SPNS3: variants seen among roughly 807,000 people sequenced by gnomAD.
SPNS3 encodes protein spinster homolog 3.
SPNS3 carries 51 observed loss-of-function variants against 54.4 expected under a neutral mutation model. The observed-to-expected ratio is 0.94, with a 90% CI of 0.75 to 1.18. SPNS3 has a LOEUF of 1.18. Among genes scored for constraint, SPNS3 ranks in the 50% most tolerant of loss-of-function variants. The pLI, the probability that SPNS3 is intolerant of heterozygous loss-of-function variation, is 0.00. For synonymous variants in SPNS3, 309 were observed against 294.7 expected, an observed-to-expected ratio of 1.05 and a Z score of -0.50; for missense variants, 669 against 677.4, an observed-to-expected ratio of 0.99 and a Z score of 0.14.
chr17:4,446,990 T>C (rs771372598), intron 5 of SPNS3, 28 bp downstream of exon 5: 2 of 1,612,948 alleles, frequency 1.2e-6, no homozygotes, highest in Non-Finnish European at 8.5e-7. Flanking sequence ...TTCTTCCCTC[T>C]GCTTTCCCTC....
intron 9 of SPNS3, chr17:4,482,308 T>C (rs1439288460): frequency 6.6e-6 from 1 of 152,110 alleles, no homozygotes; most frequent in African/African-American, 2.4e-5. Flanking sequence ...GAGAGTCAGA[T>C]TTGAGGGAGC....
chr17:4,455,712 G>A (rs1044297726), intron 8 of SPNS3, among the ~76,000 whole-genome samples: 20 of 152,136 alleles, frequency 1.3e-4, no homozygotes, highest in Non-Finnish European at 2.5e-4. Context: ...TACTCCATCT[G>A]GCATCCCCAC....
intron 8 of SPNS3, among the ~76,000 whole-genome samples, chr17:4,461,661 A>G (rs1171841198): frequency 6.6e-6 from 1 of 152,156 alleles, no homozygotes; most frequent in Non-Finnish European, 1.5e-5. Context: ...CAGTTGGATT[A>G]CATATGTATT....
intron 8 of SPNS3, among the ~76,000 whole-genome samples, chr17:4,462,803 ACCAATCT>A (rs1971567309): frequency 1.7e-5 from 2 of 118,560 alleles, no homozygotes; most frequent in Non-Finnish European, 3.3e-5. Context: ...CCATCCATCC[ACCAATCT>A]ATCCATCCAT....
intron 9 of SPNS3, among the ~76,000 whole-genome samples, chr17:4,480,653 G>A (rs1418297160): frequency 6.6e-6 from 1 of 152,034 alleles, no homozygotes. Flanking sequence ...AGAGGAGAGT[G>A]TGTGCTGGAG....
At chr17:4,476,442 G>A (rs1972002234) in intron 8 of SPNS3, among the ~76,000 whole-genome samples, 1 of 152,144 alleles carries the variant, frequency 6.6e-6, no homozygotes, top group Non-Finnish European at 1.5e-5. Context: ...AGAGCAAAAC[G>A]GGGAGCTGGT....
chr17:4,446,116 G>A lies in SPNS3; in HGVS notation c.471G>A (p.Ala157=), dbSNP rs775553403. 1.3e-5 allele frequency: 21 copies of A among 1,613,092 alleles called. No individual in the cohort carries two copies. The East Asian group carries it at 1.8e-4, about 14-fold the overall frequency. Residue 157 remains alanine (A), a synonymous_variant, in exon 4 of 12, where the codon GCG becomes GCA. Coordinates refer to ENST00000355530, the MANE Select transcript of SPNS3 (RefSeq NM_182538.5). The stretch of plus-strand genomic sequence containing the variant: ...GCTCGGCCAGCTACTCCACCATCGC[G>A]CCCACCGTCCTGGGCGACCTCTTCG... ...GTGSASYSTI[A]PTVLGDLFVR...
At chr17:4,445,213 A>G (rs1199247762) in intron 3 of SPNS3, 45 bp downstream of exon 3, 2 of 1,556,028 alleles carry the variant, frequency 1.3e-6, no homozygotes, top group East Asian at 2.3e-5. Flanking sequence ...CCCCTTCCCC[A>G]CCTGCTTCCT....
intron 2 of SPNS3, among the ~76,000 whole-genome samples, chr17:4,443,896 T>G (rs1180222450): frequency 6.6e-6 from 1 of 152,048 alleles, no homozygotes; most frequent in Non-Finnish European, 1.5e-5. Flanking sequence ...AGCCCAGGAG[T>G]TCGAGACCAG....
intron 8 of SPNS3, among the ~76,000 whole-genome samples, chr17:4,478,330 T>G (rs1434713931): frequency 6.6e-6 from 1 of 152,124 alleles, no homozygotes; most frequent in Admixed American, 6.6e-5. Context: ...TGCTTCCTCC[T>G]GGGCCCCAGC....
chr17:4,480,903 T>C (rs1461151754), intron 9 of SPNS3, among the ~76,000 whole-genome samples: 1 of 152,210 alleles, frequency 6.6e-6, no homozygotes, highest in African/African-American at 2.4e-5. Context: ...AGATGCCTTT[T>C]GGCCTTCGGG....
chr17:4,458,018 C>A (rs899179408), intron 8 of SPNS3, among the ~76,000 whole-genome samples: 5 of 152,086 alleles, frequency 3.3e-5, no homozygotes, highest in South Asian at 2.1e-4. Context: ...CCCGCCCCCA[C>A]CCCTTGGCTC....
chr17:4,472,580 C>T (rs913631013), intron 8 of SPNS3, among the ~76,000 whole-genome samples: 1 of 152,020 alleles, frequency 6.6e-6, no homozygotes, highest in Non-Finnish European at 1.5e-5. Flanking sequence ...GAGTGGAGTC[C>T]GTGATTGGAG....
At chr17:4,458,899 C>T (rs1971420070) in intron 8 of SPNS3, among the ~76,000 whole-genome samples, 1 of 151,936 alleles carries the variant, frequency 6.6e-6, no homozygotes, top group South Asian at 2.1e-4. Context: ...GAACTAGGCC[C>T]AGCCCCTTAT....
chr17:4,486,659 C>A lies in SPNS3; in HGVS notation c.1450+76C>A. On this transcript the variant is annotated intron_variant, in intron 11 of 11. Transcript: ENST00000355530. The surrounding 1 kb of genome is among the most constrained non-coding windows in gnomAD (Gnocchi z 5.5). ...AGACAGCACTGGCCACCCCCTGAAT[C>A]CCTGGCCAGTTTGTTTGTTCATTCA... The A allele has an allele frequency of 6.9e-7, 1 of 1,441,856 alleles. No individual in the cohort carries two copies. Among genetic ancestry groups the A allele is most frequent in the Non-Finnish European group, 9.4e-7 (1 of 1,066,752 alleles). The allele number at this position is 1,441,856 out of a possible 1,614,324, so 89.3% of individuals were successfully genotyped here.
At chr17:4,468,756 T>TCTTTCTTC (rs1212012647) in intron 8 of SPNS3, among the ~76,000 whole-genome samples, 1 of 143,970 alleles carries the variant, frequency 6.9e-6, no homozygotes, top group Non-Finnish European at 1.5e-5. Context: ...TTTCTTTCTT[T>TCTTTCTTC]CTTTCTCTCT....
At chr17:4,470,377 G>C (rs186958801) in intron 8 of SPNS3, among the ~76,000 whole-genome samples, 1 of 152,034 alleles carries the variant, frequency 6.6e-6, no homozygotes, top group Non-Finnish European at 1.5e-5. Flanking sequence ...GCAGTGAGCC[G>C]AGATCACGCC....
chr17:4,445,932 C>G, intron 3 of SPNS3, 116 bp from the exon 4 acceptor site: 1 of 1,254,002 alleles, frequency 8.0e-7, no homozygotes, highest in Non-Finnish European at 1.1e-6. Flanking sequence ...GATCCCCTCT[C>G]CCTACTCTGG....
At chr17:4,452,347 G>C (rs1045584844) in intron 7 of SPNS3, among the ~76,000 whole-genome samples, 2 of 152,042 alleles carry the variant, frequency 1.3e-5, no homozygotes, top group Non-Finnish European at 2.9e-5. Flanking sequence ...TGCACTCCTG[G>C]GGAGCCTTTG....
Sources: gnomAD v4.1 joint callset for allele counts (sites outside exome capture counted in the v4.1 genomes callset) on GRCh38, gnomAD v4.1.1 for gene constraint, Gnocchi (gnomAD v3.1) non-coding constraint, MANE v1.5 for transcripts, NCBI Gene and HGNC (gene_info 2026-07-23, HGNC 2026-07-21) for gene names.